ATP2B4: variants seen among roughly 807,000 people sequenced by gnomAD.
The protein encoded by ATP2B4 is ATPase plasma membrane Ca2+ transporting 4, also known as plasma membrane calcium-transporting ATPase 4.
ATP2B4 carries 39 observed loss-of-function variants against 110.3 expected under a neutral mutation model. The ratio of observed to expected loss-of-function variants is 0.35; its 90% confidence interval spans 0.27 to 0.46. The LOEUF (loss-of-function observed/expected upper bound fraction) is 0.46. Ranked by LOEUF, ATP2B4 falls within the 20% of genes least tolerant of loss-of-function variation. The pLI, the probability that ATP2B4 is intolerant of heterozygous loss-of-function variation, is 1.00. For synonymous variants in ATP2B4, 538 were observed against 571.7 expected (o/e 0.94, Z 0.84); for missense variants, 1,135 against 1,530.9 (o/e 0.74, Z 4.32).
intron 1 of ATP2B4, chr1:203,656,887 G>T: frequency 3.8e-6 from 2 of 523,144 alleles, no homozygotes; most frequent in South Asian, 2.6e-5. Context: ...GACATATATG[G>T]CTGTTTGGTA....
chr1:203,699,677 G>A lies in ATP2B4; in HGVS notation c.609G>A (p.Val203=). The A allele has an allele frequency of 6.2e-7, 1 of 1,614,148 alleles. No homozygotes were observed. The highest frequency in any genetic ancestry group is 8.5e-7 in the Non-Finnish European group (1 of 1,180,032). ...ACGGTCAACTCATCCAGCTCCCTGT[G>A]GCTGAGATTGTGGTTGGTGATATTG... ...IRNGQLIQLP[V]AEIVVGDIAQ... Residue 203 remains valine (V), a synonymous_variant, in exon 4 of 21, where the codon GTG becomes GTA. Coordinates refer to ENST00000357681, the MANE Select transcript of ATP2B4 (RefSeq NM_001684.5).
chr1:203,692,178 C>T (rs1040466838), intron 2 of ATP2B4, among the ~76,000 whole-genome samples: 3 of 149,284 alleles, frequency 2.0e-5, no homozygotes, highest in Non-Finnish European at 3.0e-5. Flanking sequence ...CCACACCCGG[C>T]CTTTTTTTTC....
intron 1 of ATP2B4, among the ~76,000 whole-genome samples, chr1:203,672,708 G>A (rs777413357): frequency 6.6e-6 from 1 of 152,124 alleles, no homozygotes; most frequent in East Asian, 1.9e-4. Context: ...AGTGAGCAGC[G>A]AATGTCTTTT....
intron 9 of ATP2B4, 40 bp from the exon 10 acceptor site, chr1:203,707,822 G>C (rs1360939274): frequency 6.2e-7 from 1 of 1,608,266 alleles, no homozygotes; most frequent in Non-Finnish European, 8.5e-7. Context: ...GGAGAGTCCA[G>C]TTAGTCCCCC....
chr1:203,735,390 T>C (rs1666853220), intron 20 of ATP2B4, among the ~76,000 whole-genome samples: 1 of 152,208 alleles, frequency 6.6e-6, no homozygotes, highest in African/African-American at 2.4e-5. Context: ...GCCAGCTCTT[T>C]GCTGATAATG....
intron 1 of ATP2B4, among the ~76,000 whole-genome samples, chr1:203,641,833 C>T (rs1002075720): frequency 6.6e-6 from 1 of 152,198 alleles, no homozygotes; most frequent in Non-Finnish European, 1.5e-5. Context: ...GGAAGATAAG[C>T]TCCATGAGAG....
chr1:203,703,739 T>C lies in ATP2B4; in HGVS notation c.1025T>C (p.Val342Ala), dbSNP rs145963279. ...IDNEEKDKKA[V>A]KVPKKEKSVL... ...AATGAGGAAAAGGACAAGAAGGCAG[T>C]CAAGGTGCCTAAAAAGGAGAAGTCA... is the stretch of plus-strand genomic sequence containing the variant. The change falls in exon 8 of 21, where the codon GTC becomes GCC. Residue 342 changes from valine to alanine, a missense_variant. Transcript: ENST00000357681. 1,637 of 1,614,128 alleles carry C rather than the reference T, an allele frequency of 1.0e-3. 9 individuals are homozygous for C. In the African/African-American group the frequency reaches 0.019, roughly 19 times the overall value.
Position 203,723,453 on chromosome 1 carries a change from T to C in ATP2B4, c.3025-428T>C, listed in dbSNP as rs12093993. Among the ~76,000 whole-genome samples the C allele has an allele frequency of 2.1e-4, 21 of 98,210 alleles. No homozygotes were observed. The South Asian group carries it at 2.4e-3, about 11-fold the overall frequency. The allele number at this position is 98,210 out of a possible 152,430, so 64.4% of individuals were successfully genotyped here. A position where few individuals can be genotyped will look rare whatever the true frequency, so the allele number is the denominator to read the frequency against. ...CTCTCTCTCTCTCTCTCTCTCTCTCTCTCTCTCCCTCTGCCTCTCTCTCTC... is the reference window on the plus strand; with the variant it reads ...CTCTCTCTCTCTCTCTCTCTCTCTCCCTCTCTCCCTCTGCCTCTCTCTCTC... On this transcript the variant is annotated intron_variant, in intron 18 of 20. Coordinates refer to ENST00000357681, the MANE Select transcript of ATP2B4 (RefSeq NM_001684.5).
intron 2 of ATP2B4, among the ~76,000 whole-genome samples, chr1:203,683,965 C>T (rs1287542384): frequency 6.6e-6 from 1 of 151,928 alleles, no homozygotes; most frequent in African/African-American, 2.4e-5. Flanking sequence ...CACAGTGAGC[C>T]ACTGCTCCTG....
intron 1 of ATP2B4, among the ~76,000 whole-genome samples, chr1:203,653,983 A>ATT (rs1247793523): frequency 2.9e-3 from 43 of 14,632 alleles, no homozygotes; most frequent in African/African-American, 6.1e-3. Flanking sequence ...ATATATATAT[A>ATT]TATTTTTTTT....
rs1283065155 is a variant in ATP2B4, at chr1:203,703,736, C to T, written c.1022C>T (p.Ala341Val). The stretch of plus-strand genomic sequence containing the variant: ...GACAATGAGGAAAAGGACAAGAAGG[C>T]AGTCAAGGTGCCTAAAAAGGAGAAG... Reference protein sequence around the residue: ...GIDNEEKDKKAVKVPKKEKSV... With the variant: ...GIDNEEKDKKVVKVPKKEKSV... Residue 341 changes from alanine to valine, a missense_variant, in exon 8 of 21, where the codon GCA (alanine) becomes GTA (valine). Transcript: ENST00000357681. 1.5e-5 allele frequency: 24 copies of T among 1,614,040 alleles called. No individual in the cohort carries two copies. Among genetic ancestry groups the T allele is most frequent in the Non-Finnish European group, 1.9e-5 (22 of 1,180,026 alleles).
intron 1 of ATP2B4, among the ~76,000 whole-genome samples, chr1:203,662,358 G>A (rs1664366207): frequency 6.6e-6 from 1 of 152,000 alleles, no homozygotes; most frequent in African/African-American, 2.4e-5. Flanking sequence ...ACCGTTCAGT[G>A]GTACTAACTA....
chr1:203,703,856 T>C, intron 8 of ATP2B4, 43 bp downstream of exon 8: 1 of 1,594,414 alleles, frequency 6.3e-7, no homozygotes, highest in Non-Finnish European at 8.6e-7. Context: ...AATGTTGTCT[T>C]GGATCCTCAT....
chr1:203,674,925 T>C (rs1393886949), intron 1 of ATP2B4, among the ~76,000 whole-genome samples: 5 of 152,148 alleles, frequency 3.3e-5, no homozygotes, highest in African/African-American at 1.2e-4. Context: ...GCCAGGCTGG[T>C]CTCAAACTCC....
intron 1 of ATP2B4, among the ~76,000 whole-genome samples, chr1:203,662,908 G>C (rs952324059): frequency 1.3e-5 from 2 of 152,070 alleles, no homozygotes; most frequent in African/African-American, 4.8e-5. Context: ...CTCTTTTCTC[G>C]ACAAATACTT....
At chr1:203,709,666 AAT>A in intron 11 of ATP2B4, 124 bp downstream of exon 11, 3 of 1,466,112 alleles carry the variant, frequency 2.0e-6, no homozygotes, top group Non-Finnish European at 1.8e-6. Flanking sequence ...CATAATAACT[AAT>A]ATCCAAGCGT....
At chr1:203,657,564 AT>A in intron 1 of ATP2B4, 1 of 882,560 alleles carries the variant, frequency 1.1e-6, no homozygotes, top group South Asian at 1.4e-5. Flanking sequence ...AGTCTTTTTC[AT>A]TTGTATTTTC....
chr1:203,683,225 G>A lies in ATP2B4; in HGVS notation c.20G>A (p.Arg7His), dbSNP rs375107873. 2.4e-5 allele frequency: 39 copies of A among 1,614,014 alleles called. No homozygotes were observed. The highest frequency in any genetic ancestry group is 1.1e-4 in the East Asian group (5 of 44,902). Residue 7 changes from arginine to histidine, a missense_variant, in exon 2 of 21, where the codon CGT (arginine) becomes CAT (histidine). Coordinates refer to ENST00000357681, the MANE Select transcript of ATP2B4 (RefSeq NM_001684.5). MTNPSD[R>H]VLPANSMAES... is the part of the protein sequence containing the mutation. Reference sequence around the variant, plus strand: ...GGCAAAATGACGAACCCATCAGACCGTGTCTTGCCTGCCAACTCGATGGCC... The same window carrying A: ...GGCAAAATGACGAACCCATCAGACCATGTCTTGCCTGCCAACTCGATGGCC...
intron 1 of ATP2B4, among the ~76,000 whole-genome samples, chr1:203,644,172 C>T (rs901536730): frequency 1.4e-4 from 21 of 151,038 alleles, no homozygotes; most frequent in African/African-American, 5.1e-4. Flanking sequence ...ATTGCTTGAA[C>T]CCTGGAGGCA....
Sources: gnomAD v4.1 joint callset for allele counts (sites outside exome capture counted in the v4.1 genomes callset) on GRCh38, gnomAD v4.1.1 for gene constraint, MANE v1.5 for transcripts, NCBI Gene and HGNC (gene_info 2026-07-23, HGNC 2026-07-21) for gene names.